Variants in PCDHGB5 observed in about 807,000 individuals in gnomAD.
The protein encoded by PCDHGB5 is protocadherin gamma-B5.
In PCDHGB5, 48 loss-of-function variants were observed where a neutral mutation model predicts 62.9. That is an observed-to-expected ratio of 0.76 (90% CI 0.61 to 0.97). PCDHGB5 has a LOEUF of 0.97. PCDHGB5 is among the 50% of genes least tolerant of loss of function. The probability of loss-of-function intolerance (pLI) is 0.00; values close to 1 mark genes in which losing one functional copy is unlikely to be tolerated. For missense variants in PCDHGB5, 1,118 were observed against 1,198.6 expected (o/e 0.93, Z 0.99); for synonymous variants, 474 against 511.2 (o/e 0.93, Z 0.98).
chr5:141,399,346 GACCGAGAGCAA>G lies in PCDHGB5; in HGVS notation c.1223_1233del (p.Arg408ProfsTer33). 6.2e-7 allele frequency: 1 copy of G among 1,613,890 alleles called. No homozygotes were observed. The highest frequency in any genetic ancestry group is 8.5e-7 in the Non-Finnish European group (1 of 1,179,888). On this transcript the variant is annotated frameshift_variant, in exon 1 of 4. Coordinates refer to ENST00000617380, the MANE Select transcript of PCDHGB5 (RefSeq NM_018925.3). LOFTEE classifies it high-confidence loss of function. Reference sequence around the variant, plus strand: ...TAAGTTGGTAACAGATGGAACCCTAGACCGAGAGCAAACCCCGGAGTACAATGTCACCATCA... The same window carrying G: ...TAAGTTGGTAACAGATGGAACCCTAGACCCCGGAGTACAATGTCACCATCA...
intron 1 of PCDHGB5, chr5:141,478,117 C>G (rs1419172538): frequency 1.3e-5 from 21 of 1,614,058 alleles, no homozygotes; most frequent in Non-Finnish European, 1.7e-5. Context: ...TGTCAGTAAC[C>G]GAGGACTCTC....
chr5:141,458,949 T>A (rs948180008), intron 1 of PCDHGB5, among the ~76,000 whole-genome samples: 1 of 151,814 alleles, frequency 6.6e-6, no homozygotes, highest in East Asian at 1.9e-4. Flanking sequence ...CTTAGGTTGG[T>A]CACAAATTCA....
chr5:141,398,189 T>G lies in PCDHGB5; in HGVS notation c.62T>G (p.Leu21Arg), dbSNP rs926901002. The change falls in exon 1 of 4, where the codon CTG becomes CGG. Residue 21 changes from leucine to arginine, a missense_variant. Physicochemically the swap from Leu to Arg is moderately radical, Grantham distance 102. Coordinates refer to ENST00000617380, the MANE Select transcript of PCDHGB5 (RefSeq NM_018925.3). ...AERLPVLFLF[L>R]LSLFCPALCE... is the part of the protein sequence containing the mutation. ...AGGCTGCCAGTGCTCTTTCTCTTCC[T>G]GCTGTCTTTGTTCTGCCCGGCGCTC... The G allele has an allele frequency of 2.0e-6, 3 of 1,482,238 alleles. No individual in the cohort carries two copies. The highest frequency in any genetic ancestry group is 2.3e-4 in the Middle Eastern group (1 of 4,344). The allele number at this position is 1,482,238 out of a possible 1,614,324, so 91.8% of individuals were successfully genotyped here. A position where few individuals can be genotyped will look rare whatever the true frequency, so the allele number is the denominator to read the frequency against.
chr5:141,471,065 T>C (rs1355886133), intron 1 of PCDHGB5, among the ~76,000 whole-genome samples: 3 of 148,628 alleles, frequency 2.0e-5, no homozygotes, highest in Non-Finnish European at 3.0e-5. Context: ...TTTTTTTTTT[T>C]TGAGACAGGG....
intron 1 of PCDHGB5, among the ~76,000 whole-genome samples, chr5:141,455,146 A>G (rs2098814943): frequency 6.7e-6 from 1 of 149,242 alleles, no homozygotes; most frequent in South Asian, 2.1e-4. Flanking sequence ...TGTTAAATAA[A>G]TATTAGTTTG....
At chr5:141,443,169 T>C (rs946262743) in intron 1 of PCDHGB5, among the ~76,000 whole-genome samples, 2 of 152,170 alleles carry the variant, frequency 1.3e-5, no homozygotes, top group Non-Finnish European at 2.9e-5. Flanking sequence ...TCCCTACCCA[T>C]GTCCACTGCA....
At chr5:141,430,977 A>C (rs761722055) in intron 1 of PCDHGB5, 1 of 1,613,290 alleles carries the variant, frequency 6.2e-7, no homozygotes, top group South Asian at 1.1e-5. Context: ...GGTAGGACGC[A>C]GCTTTTCGCC....
chr5:141,501,130 G>C (rs528942194), intron 2 of PCDHGB5, among the ~76,000 whole-genome samples: 1 of 152,218 alleles, frequency 6.6e-6, no homozygotes, highest in South Asian at 2.1e-4. Flanking sequence ...GCCTCCCTAA[G>C]TGCTGGGATT....
chr5:141,469,213 G>C (rs866405809), intron 1 of PCDHGB5, among the ~76,000 whole-genome samples: 4 of 150,912 alleles, frequency 2.7e-5, no homozygotes, highest in African/African-American at 9.7e-5. Flanking sequence ...TGAAGTTGAG[G>C]CTTCAGTGAG....
intron 1 of PCDHGB5, chr5:141,408,972 CT>C (rs1404896464): frequency 6.2e-7 from 1 of 1,613,870 alleles, no homozygotes; most frequent in Middle Eastern, 1.6e-4. Flanking sequence ...AATCTGCCCC[CT>C]GGGTCCCCTG....
intron 1 of PCDHGB5, among the ~76,000 whole-genome samples, chr5:141,445,720 G>T (rs2098475440): frequency 6.6e-6 from 1 of 152,158 alleles, no homozygotes; most frequent in Non-Finnish European, 1.5e-5. Flanking sequence ...AGAGGAAATA[G>T]CATGTGTAAA....
chr5:141,476,206 C>A lies in PCDHGB5; in HGVS notation c.2398-18601C>A. On this transcript the variant is annotated intron_variant, in intron 1 of 3. Transcript: ENST00000617380. This position sits in a 1 kb window ranked among gnomAD's most constrained non-coding sequence, Gnocchi z 7.6. ...TGCTTGGTGCCTTGAACAAGGCTTC[C>A]ACGGTCATTCACTATGAGATCCCGG... 1 of 1,613,930 alleles carries A rather than the reference C, an allele frequency of 6.2e-7. No individual in the cohort carries two copies. The highest frequency in any genetic ancestry group is 1.7e-5 in the Admixed American group (1 of 60,004).
chr5:141,403,969 T>C (rs1437416293), intron 1 of PCDHGB5: 2 of 1,613,808 alleles, frequency 1.2e-6, no homozygotes, highest in Non-Finnish European at 1.7e-6. Context: ...CGGTGGAAGA[T>C]GTAAATGACA....
chr5:141,471,046 C>CTT (rs1170588345), intron 1 of PCDHGB5, among the ~76,000 whole-genome samples: 26 of 113,248 alleles, frequency 2.3e-4, no homozygotes, highest in Non-Finnish European at 3.0e-4. Context: ...CCCAAGCCCT[C>CTT]TTTTTTTTTT....
chr5:141,451,716 T>C (rs947058540), intron 1 of PCDHGB5, among the ~76,000 whole-genome samples: 1 of 152,092 alleles, frequency 6.6e-6, no homozygotes, highest in Non-Finnish European at 1.5e-5. Context: ...ACCCTGCCTC[T>C]ACTAAAAATA....
chr5:141,455,533 T>C (rs1232689740), intron 1 of PCDHGB5, among the ~76,000 whole-genome samples: 1 of 152,134 alleles, frequency 6.6e-6, no homozygotes, highest in African/African-American at 2.4e-5. Flanking sequence ...TGACCAGGCA[T>C]ATCATTCACG....
rs200356364 is a variant in PCDHGB5, at chr5:141,470,128, C to CA, written c.2398-24670dup. On this transcript the variant is annotated intron_variant, in intron 1 of 3. Transcript: ENST00000617380. ...TGAGCAACAGAGCAAGACTTCGTCT[C>CA]AAAAAAAAAGATCATAGATCATCTT... 4.0e-3 allele frequency among the ~76,000 whole-genome samples: 596 copies of CA among 150,150 alleles called. 6 individuals are homozygous for CA. The highest frequency in any genetic ancestry group is 0.011 in the Admixed American group (171 of 15,136).
intron 1 of PCDHGB5, chr5:141,427,874 G>A: frequency 1.3e-6 from 2 of 1,560,274 alleles, no homozygotes; most frequent in South Asian, 2.2e-5. Flanking sequence ...AGCTCACGAT[G>A]CAGGCCCACG....
chr5:141,418,864 A>T, intron 1 of PCDHGB5: 1 of 1,614,046 alleles, frequency 6.2e-7, no homozygotes, highest in Non-Finnish European at 8.5e-7. Context: ...AAGTAATTGT[A>T]GAAGTTGTAG....
Sources: gnomAD v4.1 joint callset for allele counts (sites outside exome capture counted in the v4.1 genomes callset) on GRCh38, gnomAD v4.1.1 for gene constraint, Gnocchi (gnomAD v3.1) non-coding constraint, MANE v1.5 for transcripts, NCBI Gene and HGNC (gene_info 2026-07-23, HGNC 2026-07-21) for gene names.